SPAG1: variants seen among roughly 807,000 people sequenced by gnomAD.
SPAG1 encodes sperm-associated antigen 1.
In SPAG1, 69 loss-of-function variants were observed where a neutral mutation model predicts 100.5. The observed-to-expected ratio is 0.69, with a 90% CI of 0.57 to 0.84. The LOEUF (loss-of-function observed/expected upper bound fraction) is 0.84. Ranked by LOEUF, SPAG1 falls within the 40% of genes least tolerant of loss-of-function variation. The pLI is 0.00. For synonymous variants in SPAG1, 336 were observed against 411.6 expected (o/e 0.82, Z 2.22); for missense variants, 955 against 1,133.1 (o/e 0.84, Z 2.26).
chr8:100,205,997 G>A lies in SPAG1; in HGVS notation c.1097-7093G>A, dbSNP rs377416652. 2.9e-4 allele frequency among the ~76,000 whole-genome samples: 36 copies of A among 123,750 alleles called. 1 individual carries two copies. Among genetic ancestry groups the A allele is most frequent in the Middle Eastern group, 6.6e-3 (1 of 152 alleles). The allele number at this position is 123,750 out of a possible 152,430, so 81.2% of individuals were successfully genotyped here. ...TCATGCCACTGCACTCCAGCCTGGC[G>A]ACAGAGTGAGACTCTGTCTCAAAAA... On this transcript the variant is annotated intron_variant, in intron 10 of 18. Coordinates refer to ENST00000388798, the MANE Select transcript of SPAG1 (RefSeq NM_003114.5).
chr8:100,230,489 C>T (rs1225969892), intron 14 of SPAG1, among the ~76,000 whole-genome samples: 1 of 152,212 alleles, frequency 6.6e-6, no homozygotes, highest in African/African-American at 2.4e-5. Flanking sequence ...ATATAGTCAC[C>T]TGAGCCCTGT....
At chr8:100,177,300 G>A (rs766747841) in intron 3 of SPAG1, among the ~76,000 whole-genome samples, 1 of 152,208 alleles carries the variant, frequency 6.6e-6, no homozygotes, top group Non-Finnish European at 1.5e-5. Flanking sequence ...ATTTTAAGCA[G>A]ATACTTGTAA....
intron 15 of SPAG1, 198 bp from the exon 16 acceptor site, chr8:100,233,213 C>G: frequency 1.9e-6 from 1 of 529,178 alleles, no homozygotes; most frequent in East Asian, 3.4e-5. Context: ...TTGCATCCTC[C>G]TTGAGGGCTG....
chr8:100,226,774 CTG>C (rs1026231322), intron 14 of SPAG1, among the ~76,000 whole-genome samples: 3 of 151,956 alleles, frequency 2.0e-5, no homozygotes, highest in Non-Finnish European at 4.4e-5. Context: ...AGGAATAAGA[CTG>C]ATATGTTTAA....
intron 9 of SPAG1, among the ~76,000 whole-genome samples, chr8:100,192,524 G>A (rs1816858235): frequency 6.6e-6 from 1 of 152,176 alleles, no homozygotes; most frequent in Admixed American, 6.5e-5. Context: ...AAAGAAGGTG[G>A]TTTAGTGCCT....
intron 9 of SPAG1, 109 bp from the exon 10 acceptor site, chr8:100,194,003 T>G: frequency 1.0e-6 from 1 of 976,534 alleles, no homozygotes; most frequent in Non-Finnish European, 1.4e-6. Flanking sequence ...AAAAAAGCCT[T>G]GTCTTAGTTG....
intron 14 of SPAG1, among the ~76,000 whole-genome samples, chr8:100,226,228 C>G (rs779395437): frequency 6.6e-6 from 1 of 152,042 alleles, no homozygotes; most frequent in Non-Finnish European, 1.5e-5. Flanking sequence ...AATTCCAGGG[C>G]TAAAGTGATT....
At position 100,225,248 on chromosome 8, in the gene SPAG1, T is replaced by C. The variant is rs779602507; in HGVS notation, c.1764T>C (p.Ala588=). 6.2e-7 allele frequency: 1 copy of C among 1,613,876 alleles called. No homozygotes were observed. Among genetic ancestry groups the C allele is most frequent in the African/African-American group, 1.3e-5 (1 of 74,878 alleles). Residue 588 remains alanine, a synonymous_variant, in exon 14 of 19, where the codon GCT becomes GCC. Transcript: ENST00000388798. ...TGTCACCTATTCCTGCTGTGCCTGCTTCTGTGCCACTGCAAGCTTGGCATC... is the reference window on the plus strand; with the variant it reads ...TGTCACCTATTCCTGCTGTGCCTGCCTCTGTGCCACTGCAAGCTTGGCATC... The part of the protein sequence containing the change: ...EKLSPIPAVP[A]SVPLQAWHPA...
intron 10 of SPAG1, among the ~76,000 whole-genome samples, chr8:100,208,408 T>C (rs1476246879): frequency 6.6e-6 from 1 of 151,452 alleles, no homozygotes; most frequent in Non-Finnish European, 1.5e-5. Flanking sequence ...CAATGGGAAA[T>C]TACAATAGCC....
At chr8:100,195,601 T>C (rs1471561549) in intron 10 of SPAG1, among the ~76,000 whole-genome samples, 3 of 152,172 alleles carry the variant, frequency 2.0e-5, no homozygotes, top group Non-Finnish European at 4.4e-5. Context: ...TTTAGCCAGA[T>C]TGTAAATACG....
intron 3 of SPAG1, among the ~76,000 whole-genome samples, chr8:100,172,011 C>G (rs1815878742): frequency 6.6e-6 from 1 of 152,104 alleles, no homozygotes; most frequent in Non-Finnish European, 1.5e-5. Context: ...TCTCCCGCCT[C>G]AGCCTCCCGA....
intron 1 of SPAG1, among the ~76,000 whole-genome samples, chr8:100,160,090 C>T (rs1372832964): frequency 6.6e-6 from 1 of 152,142 alleles, no homozygotes; most frequent in Non-Finnish European, 1.5e-5. Context: ...GTGCCTAGCA[C>T]ACATTAAGAA....
intron 3 of SPAG1, among the ~76,000 whole-genome samples, chr8:100,167,668 C>T (rs1815625228): frequency 1.3e-5 from 2 of 152,168 alleles, no homozygotes; most frequent in African/African-American, 2.4e-5. Flanking sequence ...TAAATATTTA[C>T]AGATTTCTTT....
chr8:100,216,790 G>A (rs1818008173), intron 12 of SPAG1, among the ~76,000 whole-genome samples: 1 of 152,156 alleles, frequency 6.6e-6, no homozygotes, highest in African/African-American at 2.4e-5. Context: ...GCCACTCTGT[G>A]CTTTTGTGAA....
At chr8:100,173,886 A>T (rs1336039045) in intron 3 of SPAG1, among the ~76,000 whole-genome samples, 1 of 152,218 alleles carries the variant, frequency 6.6e-6, no homozygotes, top group Non-Finnish European at 1.5e-5. Flanking sequence ...GGCAACAACA[A>T]TGTATATATA....
At chr8:100,211,460 A>C (rs539290552) in intron 10 of SPAG1, among the ~76,000 whole-genome samples, 119 of 152,300 alleles carry the variant, frequency 7.8e-4, no homozygotes, top group African/African-American at 2.7e-3. Flanking sequence ...CTTTGAGACC[A>C]TCCTGGACAA....
At chr8:100,163,407 C>CTT (rs781486782) in intron 2 of SPAG1, among the ~76,000 whole-genome samples, 8 of 141,508 alleles carry the variant, frequency 5.7e-5, no homozygotes, top group Non-Finnish European at 1.6e-5. Context: ...TTCTTTCTTT[C>CTT]TTTTTTTTTT....
Position 100,231,258 on chromosome 8 carries a change from A to G in SPAG1, c.1958A>G (p.Asn653Ser). 6.3e-7 allele frequency: 1 copy of G among 1,596,930 alleles called. No homozygotes were observed. ...AAATACAGCGAATGCTTAAAGATTA[A>G]CAATAAGGAATGTGCCATATATACA... The part of the protein sequence containing the change: ...LSKYSECLKI[N>S]NKECAIYTNR... Residue 653 changes from asparagine to serine, a missense_variant, in exon 15 of 19, where the codon AAC becomes AGC. Coordinates refer to ENST00000388798, the MANE Select transcript of SPAG1 (RefSeq NM_003114.5).
At chr8:100,220,517 G>A in intron 13 of SPAG1, 86 bp downstream of exon 13, 1 of 1,115,534 alleles carries the variant, frequency 9.0e-7, no homozygotes, top group Non-Finnish European at 1.3e-6. Flanking sequence ...TCAAAATATA[G>A]ATGTGTTATC....
Sources: allele counts gnomAD v4.1 joint callset (sites outside exome capture counted in the v4.1 genomes callset), GRCh38; gene constraint gnomAD v4.1.1; transcripts MANE v1.5; gene names NCBI Gene and HGNC (gene_info 2026-07-23, HGNC 2026-07-21).